The following MTREX variants were observed in gnomAD, a reference collection of about 807,000 sequenced individuals.
MTREX encodes the protein Mtr4 exosome RNA helicase, also known as exosome RNA helicase MTR4.
A neutral mutation model predicts 135.4 loss-of-function variants in MTREX; 76 were observed. The ratio of observed to expected loss-of-function variants is 0.56; its 90% CI spans 0.47 to 0.68. The LOEUF is 0.68. Among genes scored for constraint, MTREX ranks in the 30% least tolerant of loss-of-function variants. The pLI, the probability that MTREX is intolerant of heterozygous loss-of-function variation, is 0.00. For missense variants in MTREX, 920 were observed against 1,262.1 expected (o/e 0.73, Z 4.11); for synonymous variants, 404 against 401.6 (o/e 1.01, Z -0.07).
Position 55,425,044 on chromosome 5 carries a change from TA to T in MTREX, c.*275del. 1.0e-6 allele frequency: 1 copy of T among 997,132 alleles called. No homozygotes were observed. Among genetic ancestry groups the T allele is most frequent in the Non-Finnish European group, 1.5e-6 (1 of 679,896 alleles). The allele number at this position is 997,132 out of a possible 1,614,324, so 61.8% of individuals were successfully genotyped here. A position where few individuals can be genotyped will look rare whatever the true frequency, so the allele number is the denominator to read the frequency against. On this transcript the variant is annotated 3_prime_UTR_variant, in exon 27 of 27. Coordinates refer to ENST00000230640, the MANE Select transcript of MTREX (RefSeq NM_015360.5). ...TAGAGCTATTAGATAACCACTGAGT[TA>T]AAGGTAACTATGTACACACAAAGTG...
chr5:55,400,468 T>A, intron 21 of MTREX, 47 bp downstream of exon 21: 1 of 1,232,396 alleles, frequency 8.1e-7, no homozygotes, highest in Non-Finnish European at 1.1e-6. Context: ...TATGTTTCAC[T>A]GAATAAATAT....
chr5:55,314,099 T>C (rs1749161233), intron 1 of MTREX, among the ~76,000 whole-genome samples: 1 of 152,198 alleles, frequency 6.6e-6, no homozygotes, highest in Non-Finnish European at 1.5e-5. Context: ...ATGTCTGTTT[T>C]GTAGAAGTCT....
chr5:55,383,026 G>C (rs1484966998), intron 18 of MTREX, among the ~76,000 whole-genome samples: 2 of 152,034 alleles, frequency 1.3e-5, no homozygotes, highest in Non-Finnish European at 2.9e-5. Flanking sequence ...ATCATTTTTG[G>C]TTCTATTTGT....
chr5:55,402,967 C>A (rs188088766), intron 21 of MTREX, among the ~76,000 whole-genome samples: 171 of 151,118 alleles, frequency 1.1e-3, no homozygotes, highest in Admixed American at 2.5e-3. Flanking sequence ...GAGGCCAAGG[C>A]GGGAAGATCA....
chr5:55,311,607 C>T (rs1749114342), intron 1 of MTREX, among the ~76,000 whole-genome samples: 1 of 152,136 alleles, frequency 6.6e-6, no homozygotes, highest in South Asian at 2.1e-4. Flanking sequence ...GTAAACTGTC[C>T]TCATCCCTAG....
At chr5:55,326,242 C>G (rs924122967) in intron 3 of MTREX, among the ~76,000 whole-genome samples, 1 of 151,144 alleles carries the variant, frequency 6.6e-6, no homozygotes, top group Middle Eastern at 3.2e-3. Flanking sequence ...ACTAAAAATA[C>G]AAAAAAAATT....
chr5:55,363,986 A>G (rs1750056057), intron 15 of MTREX, among the ~76,000 whole-genome samples: 1 of 152,188 alleles, frequency 6.6e-6, no homozygotes, highest in African/African-American at 2.4e-5. Flanking sequence ...GTGCTAGAAT[A>G]TAAGTTCTGA....
intron 18 of MTREX, 73 bp downstream of exon 18, chr5:55,379,268 G>A (rs2112099899): frequency 2.2e-6 from 2 of 894,034 alleles, no homozygotes; most frequent in Non-Finnish European, 3.5e-6. Context: ...TATGAAATCG[G>A]TCTAAGAAGA....
At chr5:55,353,311 G>A in intron 14 of MTREX, 42 bp downstream of exon 14, 8 of 1,334,770 alleles carry the variant, frequency 6.0e-6, no homozygotes, top group Non-Finnish European at 8.5e-6. Context: ...TTTTGTCTTT[G>A]TTATACTATA....
At chr5:55,312,396 T>C (rs1211579823) in intron 1 of MTREX, among the ~76,000 whole-genome samples, 1 of 151,468 alleles carries the variant, frequency 6.6e-6, no homozygotes, top group Admixed American at 6.6e-5. Context: ...TTTACTCCTT[T>C]GCACTTATTT....
In MTREX at chr5:55,340,532, C is replaced by T. The variant is rs1012352150; in HGVS notation, c.690+348C>T. Among the ~76,000 whole-genome samples the T allele has an allele frequency of 4.0e-5, 6 of 148,846 alleles. No homozygotes were observed. The South Asian group carries it at 6.2e-4, about 15-fold the overall frequency. On this transcript the variant is annotated intron_variant, in intron 6 of 26. Coordinates refer to ENST00000230640, the MANE Select transcript of MTREX (RefSeq NM_015360.5). ...GACTCTTCATTTCATGTGACTTTGC[C>T]GTCTTCTATATCTGAGTGTTGATAC... is the stretch of plus-strand genomic sequence containing the variant.
intron 22 of MTREX, among the ~76,000 whole-genome samples, chr5:55,409,174 ACTC>A (rs1750850610): frequency 6.6e-6 from 1 of 151,334 alleles, no homozygotes; most frequent in South Asian, 2.1e-4. Flanking sequence ...CTAGTCTTGA[ACTC>A]CTGGGCTCAA....
intron 15 of MTREX, among the ~76,000 whole-genome samples, chr5:55,365,088 G>A (rs1750080457): frequency 6.6e-6 from 1 of 152,126 alleles, no homozygotes; most frequent in East Asian, 1.9e-4. Context: ...AATTTACATG[G>A]GTGTTTGTAC....
intron 18 of MTREX, among the ~76,000 whole-genome samples, chr5:55,381,424 G>A (rs1446116546): frequency 6.6e-6 from 1 of 152,006 alleles, no homozygotes; most frequent in Non-Finnish European, 1.5e-5. Context: ...CTCTACAGAC[G>A]CTTTAGCTGT....
In MTREX at chr5:55,310,333, G is replaced by A. The variant is rs575563328; in HGVS notation, c.134+2186G>A. 5.3e-5 allele frequency among the ~76,000 whole-genome samples: 8 copies of A among 152,286 alleles called. No individual in the cohort carries two copies. The South Asian group carries it at 1.0e-3, about 20-fold the overall frequency. ...TATTTTTAAGAAAAAAATCCTGGCC[G>A]GGCGTGGTGGCTCACGCCTCTAATC... On this transcript the variant is annotated intron_variant, in intron 1 of 26. Transcript: ENST00000230640.
At chr5:55,358,491 AT>A (rs1749957388) in intron 14 of MTREX, 81 bp from the exon 15 acceptor site, 2 of 1,217,696 alleles carry the variant, frequency 1.6e-6, no homozygotes, top group African/African-American at 1.6e-5. Context: ...CTTGTTATAA[AT>A]TTTATAAAAA....
At position 55,414,244 on chromosome 5, in the gene MTREX, G is replaced by GTTT. The variant is rs201611017; in HGVS notation, c.2808+22_2808+24dup. On this transcript the variant is annotated splice_region_variant and intron_variant, in intron 24 of 26. Transcript: ENST00000230640. Reference sequence around the variant, plus strand: ...GACCACTTCGTCAAATGCAGGTAAGGTTTTTTTTTTTTTTTTTTGAACTAC... The same window carrying GTTT: ...GACCACTTCGTCAAATGCAGGTAAGGTTTTTTTTTTTTTTTTTTTTTGAACTAC... 3.9e-3 allele frequency: 5,146 copies of GTTT among 1,332,428 alleles called. 1 individual carries two copies. Among genetic ancestry groups the GTTT allele is most frequent in the South Asian group, 6.7e-3 (425 of 63,216 alleles). 82.5% of individuals were successfully genotyped at this position (1,332,428 alleles called of 1,614,324 possible). A position where few individuals can be genotyped will look rare whatever the true frequency, so the allele number is the denominator to read the frequency against.
intron 5 of MTREX, among the ~76,000 whole-genome samples, chr5:55,332,590 A>G (rs1749494799): frequency 6.6e-6 from 1 of 152,224 alleles, no homozygotes. Flanking sequence ...AGAACATGGC[A>G]CAGGCCTCTG....
At chr5:55,401,844 G>A (rs181874391) in intron 21 of MTREX, among the ~76,000 whole-genome samples, 90 of 152,200 alleles carry the variant, frequency 5.9e-4, no homozygotes, top group African/African-American at 2.1e-3. Context: ...CAACTGGAAT[G>A]TATTATACTA....
Sources: allele counts gnomAD v4.1 joint callset (sites outside exome capture counted in the v4.1 genomes callset), GRCh38; gene constraint gnomAD v4.1.1; transcripts MANE v1.5; gene names NCBI Gene and HGNC (gene_info 2026-07-23, HGNC 2026-07-21).